The following PLD4 variants were observed in gnomAD, a reference collection of about 807,000 sequenced individuals.
PLD4 encodes 5'-3' exonuclease PLD4.
A neutral mutation model predicts 52.3 loss-of-function variants in PLD4; 54 were observed. The ratio of observed to expected loss-of-function variants is 1.03; its 90% confidence interval spans 0.83 to 1.30. The LOEUF (loss-of-function observed/expected upper bound fraction) is 1.30. PLD4 is among the 50% of genes most tolerant of loss of function. The probability of loss-of-function intolerance (pLI) is 0.00; values close to 1 mark genes in which losing one functional copy is unlikely to be tolerated. For synonymous variants in PLD4, 264 were observed against 286.5 expected (o/e 0.92, Z 0.79); for missense variants, 731 against 671.1 (o/e 1.09, Z -0.99).
Position 104,931,814 on chromosome 14 carries a change from G to C in PLD4, c.985G>C (p.Gly329Arg), listed in dbSNP as rs1897653978. The C allele has an allele frequency of 6.3e-7, 1 of 1,580,038 alleles. No homozygotes were observed. The highest frequency in any genetic ancestry group is 1.3e-5 in the African/African-American group (1 of 74,226). Residue 329 changes from glycine to arginine, a missense_variant, in exon 8 of 11, where the codon GGG becomes CGG. Gly to Arg is a moderately radical substitution (Grantham distance 125, BLOSUM62 -2). Transcript: ENST00000392593. ...CCTGGAGGCGCTGCTGGCGGTGATG[G>C]GGAGCGCCCAGGAGTTCATCTATGC... is the stretch of plus-strand genomic sequence containing the variant. ...RDLEALLAVM[G>R]SAQEFIYASV...
chr14:104,930,579 A>G lies in PLD4; in HGVS notation c.718-163A>G, dbSNP rs941892368. 5 of 698,072 alleles carry G rather than the reference A, an allele frequency of 7.2e-6. No individual in the cohort carries two copies. In the African/African-American group the frequency reaches 9.0e-5, roughly 13 times the overall value. 43.2% of individuals were successfully genotyped at this position (698,072 alleles called of 1,614,324 possible). On this transcript the variant is annotated intron_variant, in intron 6 of 10. Transcript: ENST00000392593. ...CAGGCACCCGCTGGGCACTCCTCCC[A>G]CCAGCACACTCTATTACAGATTCCT...
rs1284835320 is a variant in PLD4 at position 104,932,364 on chromosome 14, G to C, written c.1321+9G>C. 2 of 1,612,086 alleles carry C rather than the reference G, an allele frequency of 1.2e-6. No homozygotes were observed. The highest frequency in any genetic ancestry group is 4.5e-5 in the East Asian group (2 of 44,876). Reference sequence around the variant, plus strand: ...GAAGGCAGCCTACATAGGTGAGCGCGATCAGATCACGGCGGGCGGGCCCCA... The same window carrying C: ...GAAGGCAGCCTACATAGGTGAGCGCCATCAGATCACGGCGGGCGGGCCCCA... On this transcript the variant is annotated intron_variant, in intron 10 of 10. Transcript: ENST00000392593. The surrounding 1 kb of genome is among the most constrained non-coding windows in gnomAD (Gnocchi z 6.5).
At position 104,932,608 on chromosome 14, in the gene PLD4, C is replaced by T. The variant is rs1353698155; in HGVS notation, c.1322-157C>T. Among the ~76,000 whole-genome samples the T allele has an allele frequency of 2.0e-5, 3 of 152,234 alleles. No homozygotes were observed. Among genetic ancestry groups the T allele is most frequent in the Non-Finnish European group, 4.4e-5 (3 of 68,040 alleles). ...TTCTACCGCGACCAGCTGTCCCTCC[C>T]GCACCTAAGCGAGGGGCTTCCCCGG... is the stretch of plus-strand genomic sequence containing the variant. On this transcript the variant is annotated intron_variant, in intron 10 of 10. Transcript: ENST00000392593. The surrounding 1 kb of genome is among the most constrained non-coding windows in gnomAD (Gnocchi z 6.5).
chr14:104,931,754 C>T lies in PLD4; in HGVS notation c.925C>T (p.Pro309Ser), dbSNP rs1897650035. The change falls in exon 8 of 11, where the codon CCA becomes TCA. Residue 309 changes from proline (P) to serine (S), a missense_variant. Coordinates refer to ENST00000392593, the MANE Select transcript of PLD4 (RefSeq NM_138790.5). ...VPTTAYFSASPPALCPQGRTR... is the reference protein window; with the variant it reads ...VPTTAYFSASSPALCPQGRTR... The stretch of plus-strand genomic sequence containing the variant: ...GATTTCTCTCCCGTCACAGGCGTCG[C>T]CACCAGCACTCTGTCCCCAGGGCCG... 4.4e-6 allele frequency: 7 copies of T among 1,587,210 alleles called. No homozygotes were observed. Among genetic ancestry groups the T allele is most frequent in the Non-Finnish European group, 6.0e-6 (7 of 1,167,642 alleles).
In PLD4 at chr14:104,932,422, C is replaced by T. The variant is rs1214923796; in HGVS notation, c.1321+67C>T. On this transcript the variant is annotated intron_variant, in intron 10 of 10. Transcript: ENST00000392593. This position sits in a 1 kb window ranked among gnomAD's most constrained non-coding sequence, Gnocchi z 6.5. ...CAGGCACGGGCGAGGGAGGCACTGGCTTTGTGACCGGCGTGGACACCTCAG... is the reference window on the plus strand; with the variant it reads ...CAGGCACGGGCGAGGGAGGCACTGGTTTTGTGACCGGCGTGGACACCTCAG... 1 of 1,530,890 alleles carries T rather than the reference C, an allele frequency of 6.5e-7. No individual in the cohort carries two copies. The allele number at this position is 1,530,890 out of a possible 1,614,324, so 94.8% of individuals were successfully genotyped here.
chr14:104,932,983 T>A lies in PLD4; in HGVS notation c.*19T>A. 4 of 1,541,006 alleles carry A rather than the reference T, an allele frequency of 2.6e-6. No homozygotes were observed. The highest frequency in any genetic ancestry group is 3.5e-6 in the Non-Finnish European group (4 of 1,146,228). On this transcript the variant is annotated 3_prime_UTR_variant, in exon 11 of 11. Coordinates refer to ENST00000392593, the MANE Select transcript of PLD4 (RefSeq NM_138790.5). This position sits in a 1 kb window ranked among gnomAD's most constrained non-coding sequence, Gnocchi z 6.5. ...GGGCTGAGGGGGGCCTCTTTTTCTC[T>A]CGGCGACCCCGCCCCGCACGCGCCC...
At chr14:104,935,420 A>T (rs1160278690), downstream of PLD4, 1 of 152,290 alleles carries the variant, frequency 6.6e-6, no homozygotes, top group African/African-American at 2.4e-5. Context: ...TGCCTATTCC[A>T]AAGGAAATCC....
intron 5 of PLD4, 144 bp from the exon 6 acceptor site, chr14:104,929,834 T>A: frequency 1.0e-6 from 1 of 966,830 alleles, no homozygotes; most frequent in Non-Finnish European, 1.5e-6. Context: ...ACCTATAAAA[T>A]GGGGATGAGG....
chr14:104,931,361 G>A (rs1159853165), intron 7 of PLD4, among the ~76,000 whole-genome samples: 1 of 152,126 alleles, frequency 6.6e-6, no homozygotes, highest in Non-Finnish European at 1.5e-5. Flanking sequence ...ATCAGCCCAC[G>A]GGGGTGGGGG....
Position 104,927,574 on chromosome 14 carries a change from C to A in PLD4, c.91-99C>A, listed in dbSNP as rs1225224178. Reference sequence around the variant, plus strand: ...CAGTGGCAGCCCAGGTCCGGGAAGTCAAGACGGTCTCTGTCTCAGCACTGG... The same window carrying A: ...CAGTGGCAGCCCAGGTCCGGGAAGTAAAGACGGTCTCTGTCTCAGCACTGG... On this transcript the variant is annotated intron_variant, in intron 2 of 10. Transcript: ENST00000392593. The A allele has an allele frequency of 5.9e-6, 8 of 1,345,152 alleles. No individual in the cohort carries two copies. The Admixed American group carries it at 1.7e-4, about 28-fold the overall frequency. 83.3% of individuals were successfully genotyped at this position (1,345,152 alleles called of 1,614,324 possible).
chr14:104,932,217 C>T lies in PLD4; in HGVS notation c.1224+40C>T. 6.2e-7 allele frequency: 1 copy of T among 1,612,344 alleles called. No individual in the cohort carries two copies. The highest frequency in any genetic ancestry group is 1.1e-5 in the South Asian group (1 of 91,070). ...CCGGCCGGGCGTGGGAAAGGCGGCCCTCCTGCCGCCCTTCCTGACGCGCTG... is the reference window on the plus strand; with the variant it reads ...CCGGCCGGGCGTGGGAAAGGCGGCCTTCCTGCCGCCCTTCCTGACGCGCTG... On this transcript the variant is annotated intron_variant, in intron 9 of 10. Transcript: ENST00000392593. The surrounding 1 kb of genome is among the most constrained non-coding windows in gnomAD (Gnocchi z 6.5).
At chr14:104,926,909 G>C (rs1180628378) in intron 1 of PLD4, among the ~76,000 whole-genome samples, 1 of 152,220 alleles carries the variant, frequency 6.6e-6, no homozygotes, top group Non-Finnish European at 1.5e-5. Context: ...TTGGCCAGGG[G>C]GACAGGACAG....
At chr14:104,929,554 A>C (rs1411759247) in intron 5 of PLD4, 127 bp downstream of exon 5, 1 of 1,363,752 alleles carries the variant, frequency 7.3e-7, no homozygotes, top group East Asian at 2.6e-5. Context: ...AGGACACCCC[A>C]GGAGGGCAGG....
chr14:104,932,394 G>T lies in PLD4; in HGVS notation c.1321+39G>T. On this transcript the variant is annotated intron_variant, in intron 10 of 10. Coordinates refer to ENST00000392593, the MANE Select transcript of PLD4 (RefSeq NM_138790.5). The surrounding 1 kb of genome is among the most constrained non-coding windows in gnomAD (Gnocchi z 6.5). ...GATCACGGCGGGCGGGCCCCAGGGT[G>T]GCCAGGCACGGGCGAGGGAGGCACT... 6.3e-7 allele frequency: 1 copy of T among 1,593,774 alleles called. No individual in the cohort carries two copies. The highest frequency in any genetic ancestry group is 8.6e-7 in the Non-Finnish European group (1 of 1,164,086).
At chr14:104,926,354 G>A (rs1321501886) in intron 1 of PLD4, among the ~76,000 whole-genome samples, 1 of 152,192 alleles carries the variant, frequency 6.6e-6, no homozygotes. Flanking sequence ...GTGGCACCTG[G>A]GGCAGCCTGA....
At chr14:104,927,616 C>T (rs1897499405) in intron 2 of PLD4, 57 bp from the exon 3 acceptor site, 7 of 1,476,444 alleles carry the variant, frequency 4.7e-6, no homozygotes, top group Non-Finnish European at 5.4e-6. Context: ...CATCGTGGCC[C>T]AGCCAGAAGT....
In PLD4 at chr14:104,930,140, T is replaced by C. The variant is rs746842274; in HGVS notation, c.717+35T>C. The C allele has an allele frequency of 9.9e-6, 16 of 1,608,496 alleles. No individual in the cohort carries two copies. In the South Asian group the frequency reaches 1.8e-4, roughly 18 times the overall value. The stretch of plus-strand genomic sequence containing the variant: ...AGGGCCCTAACACAGGAGGCCTGCC[T>C]GAAGCGTTTCCCCGCCTGCACTCCT... On this transcript the variant is annotated intron_variant, in intron 6 of 10. Coordinates refer to ENST00000392593, the MANE Select transcript of PLD4 (RefSeq NM_138790.5).
chr14:104,927,114 C>T (rs1271656221), intron 1 of PLD4, 27 bp from the exon 2 acceptor site: 20 of 1,524,490 alleles, frequency 1.3e-5, no homozygotes, highest in Non-Finnish European at 1.7e-5. Context: ...GCTGGAGCTG[C>T]TGGTGATGCC....
chr14:104,929,173 C>A, intron 4 of PLD4, 134 bp from the exon 5 acceptor site: 1 of 1,408,838 alleles, frequency 7.1e-7, no homozygotes, highest in Non-Finnish European at 9.6e-7. Context: ...CACCAAGGGT[C>A]ATCCAGATAC....
Sources: allele counts gnomAD v4.1 joint callset (sites outside exome capture counted in the v4.1 genomes callset), GRCh38; gene constraint gnomAD v4.1.1; non-coding constraint Gnocchi (gnomAD v3.1); transcripts MANE v1.5; gene names NCBI Gene and HGNC (gene_info 2026-07-23, HGNC 2026-07-21).